Variants in ENTPD1 observed in about 807,000 individuals in gnomAD.
ENTPD1 encodes the protein ATP diphosphohydrolase.
Under a neutral mutation model 57.0 loss-of-function variants are expected in ENTPD1, and 33 were observed. That is an observed-to-expected ratio of 0.58 (90% CI 0.44 to 0.77). The LOEUF (loss-of-function observed/expected upper bound fraction) is 0.77, where lower values mean the gene tolerates loss of function less well. ENTPD1 is among the 30% of genes least tolerant of loss of function. ENTPD1 has a pLI of 0.00. For synonymous variants in ENTPD1, 202 were observed against 218.8 expected (o/e 0.92, Z 0.68); for missense variants, 501 against 603.4 (o/e 0.83, Z 1.78).
chr10:95,695,395 A>G, the ENTPD1 span, among the ~76,000 whole-genome samples: 1 of 152,202 alleles, frequency 6.6e-6, no homozygotes. Context: ...ACATCTGTTA[A>G]GAGTTATCTA....
intron 1 of ENTPD1, among the ~76,000 whole-genome samples, chr10:95,732,494 G>T (rs1459896437): frequency 6.6e-6 from 1 of 152,156 alleles, no homozygotes; most frequent in Non-Finnish European, 1.5e-5. Flanking sequence ...ACATATCAAT[G>T]AAAATTTGTA....
At chr10:95,716,158 G>C (rs1310175192) in intron 1 of ENTPD1, among the ~76,000 whole-genome samples, 1 of 152,140 alleles carries the variant, frequency 6.6e-6, no homozygotes, top group Non-Finnish European at 1.5e-5. Flanking sequence ...GAACCGCTGT[G>C]CCCAGCTCAT....
intron 1 of ENTPD1, among the ~76,000 whole-genome samples, chr10:95,811,011 G>C (rs577135791): frequency 2.0e-5 from 3 of 152,276 alleles, no homozygotes; most frequent in Admixed American, 2.0e-4. Context: ...CTGTGTTGAT[G>C]GTTAAAGAGA....
intron 7 of ENTPD1, among the ~76,000 whole-genome samples, chr10:95,857,426 T>G (rs189517649): frequency 6.6e-6 from 1 of 152,348 alleles, no homozygotes; most frequent in Non-Finnish European, 1.5e-5. Context: ...CAGAAAGTCT[T>G]TTGAAATGTA....
chr10:95,781,914 C>T (rs2098159582), intron 1 of ENTPD1, among the ~76,000 whole-genome samples: 1 of 152,196 alleles, frequency 6.6e-6, no homozygotes, highest in Non-Finnish European at 1.5e-5. Context: ...GACAGAGCCT[C>T]AGGAAACAAG....
intron 1 of ENTPD1, among the ~76,000 whole-genome samples, chr10:95,748,424 T>C (rs2098008363): frequency 6.6e-6 from 1 of 152,176 alleles, no homozygotes; most frequent in East Asian, 1.9e-4. Flanking sequence ...ATTTCAAACA[T>C]AGAAAGTAGA....
chr10:95,788,484 G>T (rs778271700), intron 1 of ENTPD1, among the ~76,000 whole-genome samples: 3 of 152,066 alleles, frequency 2.0e-5, no homozygotes, highest in Admixed American at 6.6e-5. Context: ...GGGCGTGGTG[G>T]TGGGTGCCTG....
chr10:95,823,408 A>T, intron 2 of ENTPD1, 44 bp downstream of exon 2: 1 of 1,612,230 alleles, frequency 6.2e-7, no homozygotes, highest in Non-Finnish European at 8.5e-7. Context: ...GTAAGAGGAG[A>T]TCTGGGTGGG....
intron 1 of ENTPD1, among the ~76,000 whole-genome samples, chr10:95,774,019 T>C (rs11188480): frequency 0.27 from 40,309 of 152,090 alleles, 6,232 homozygotes; most frequent in Admixed American, 0.38. Context: ...TTTTAATGAT[T>C]GCCATTCTAA....
At chr10:95,700,558 C>T in the ENTPD1 span, among the ~76,000 whole-genome samples, 2 of 151,912 alleles carry the variant, frequency 1.3e-5, no homozygotes, top group Admixed American at 1.3e-4. Flanking sequence ...CATGGTGGCA[C>T]GTGCCTATAG....
rs369586427 is a variant in ENTPD1 at position 95,839,297 on chromosome 10, C to T, written c.145-394C>T. ...AGCCATTGAAGCTTTCCAGGTGATT[C>T]CCGTATGATTCCAATGTGTAGACAA... On this transcript the variant is annotated intron_variant, in intron 2 of 9. Transcript: ENST00000371205. 1.5e-3 allele frequency: 401 copies of T among 273,188 alleles called. 7 individuals carry two copies. The South Asian group carries it at 0.016, about 11-fold the overall frequency. 16.9% of individuals were successfully genotyped at this position (273,188 alleles called of 1,614,324 possible). A position where few individuals can be genotyped will look rare whatever the true frequency, so the allele number is the denominator to read the frequency against.
At chr10:95,854,915 T>A (rs1473158576) in intron 7 of ENTPD1, among the ~76,000 whole-genome samples, 1 of 152,218 alleles carries the variant, frequency 6.6e-6, no homozygotes, top group Non-Finnish European at 1.5e-5. Flanking sequence ...TTCTGTTGAT[T>A]AGGGGTGGAG....
chr10:95,707,002 G>T (rs1400930041), upstream of ENTPD1, among the ~76,000 whole-genome samples: 2 of 152,236 alleles, frequency 1.3e-5, no homozygotes, highest in Non-Finnish European at 2.9e-5. Context: ...ACTGAGGGGG[G>T]TGCCTTCCTG....
intron 1 of ENTPD1, among the ~76,000 whole-genome samples, chr10:95,770,256 AGT>A (rs1555282687): frequency 2.0e-3 from 267 of 135,058 alleles, no homozygotes; most frequent in Middle Eastern, 7.9e-3. Flanking sequence ...TGAGTGAGTG[AGT>A]GTGTGTGTGT....
Position 95,872,188 on chromosome 10 carries a change from T to C in ENTPD1, c.*5805T>C, listed in dbSNP as rs1228557228. The C allele has an allele frequency of 3.0e-6, 3 of 985,510 alleles. No individual in the cohort carries two copies. The highest frequency in any genetic ancestry group is 2.4e-6 in the Non-Finnish European group (2 of 829,950). The allele number at this position is 985,510 out of a possible 1,614,324, so 61.0% of individuals were successfully genotyped here. A position where few individuals can be genotyped will look rare whatever the true frequency, so the allele number is the denominator to read the frequency against. On this transcript the variant is annotated 3_prime_UTR_variant, in exon 10 of 10. Coordinates refer to ENST00000371205, the MANE Select transcript of ENTPD1 (RefSeq NM_001776.6). ...GAATGGTGGTGTTGCTTCCAATCTG[T>C]TGCTGCTAGATTAATCTTTGCAAAG...
intron 4 of ENTPD1, among the ~76,000 whole-genome samples, chr10:95,843,827 G>A (rs970021970): frequency 2.6e-5 from 4 of 152,154 alleles, no homozygotes; most frequent in African/African-American, 7.2e-5. Context: ...GCATCCTCTC[G>A]CTCAGAGACT....
At chr10:95,749,216 T>C (rs1300235058) in intron 1 of ENTPD1, among the ~76,000 whole-genome samples, 1 of 152,234 alleles carries the variant, frequency 6.6e-6, no homozygotes, top group Non-Finnish European at 1.5e-5. Flanking sequence ...GTACATTTTG[T>C]GCAGCAAAGG....
chr10:95,851,594 G>C (rs1174611395), intron 7 of ENTPD1, among the ~76,000 whole-genome samples: 8 of 89,244 alleles, frequency 9.0e-5, no homozygotes, highest in Non-Finnish European at 1.5e-4. Context: ...CCCACCCCAC[G>C]ACAGTCCCCG....
chr10:95,801,869 C>T (rs1412369697), intron 1 of ENTPD1, among the ~76,000 whole-genome samples: 32 of 152,178 alleles, frequency 2.1e-4, no homozygotes, highest in Admixed American at 2.1e-3. Flanking sequence ...TGTGAAGAAT[C>T]TCAATGGTAG....
Sources: gnomAD v4.1 joint callset for allele counts (sites outside exome capture counted in the v4.1 genomes callset) on GRCh38, gnomAD v4.1.1 for gene constraint, MANE v1.5 for transcripts, NCBI Gene and HGNC (gene_info 2026-07-23, HGNC 2026-07-21) for gene names.